NRXN3: variants seen among roughly 807,000 people sequenced by gnomAD.
NRXN3 encodes the protein neurexin III.
In NRXN3, 32 loss-of-function variants were observed where a neutral mutation model predicts 137.6. The ratio of observed to expected loss-of-function variants is 0.23; its 90% CI spans 0.18 to 0.31. The LOEUF is 0.31. Among genes scored for constraint, NRXN3 ranks in the 10% least tolerant of loss-of-function variants. NRXN3 has a pLI of 1.00. For missense variants in NRXN3, 1,574 were observed against 2,062.5 expected (o/e 0.76, Z 4.59); for synonymous variants, 798 against 784.5 (o/e 1.02, Z -0.29).
At chr14:79,076,481 G>A (rs1472533957) in intron 15 of NRXN3, among the ~76,000 whole-genome samples, 1 of 152,116 alleles carries the variant, frequency 6.6e-6, no homozygotes, top group Non-Finnish European at 1.5e-5. Context: ...CTGGTGGCAG[G>A]CCTTAGTCAT....
chr14:78,630,848 G>A (rs1359240524), intron 4 of NRXN3, among the ~76,000 whole-genome samples: 2 of 151,938 alleles, frequency 1.3e-5, no homozygotes, highest in East Asian at 3.9e-4. Flanking sequence ...CTCGTGGTCC[G>A]CCCACCTCGG....
chr14:79,095,301 C>G (rs2050097718), intron 15 of NRXN3, among the ~76,000 whole-genome samples: 1 of 152,148 alleles, frequency 6.6e-6, no homozygotes, highest in South Asian at 2.1e-4. Flanking sequence ...GCACTTGAAT[C>G]TATAATTTCT....
chr14:79,105,849 C>T (rs2052331836), intron 15 of NRXN3, among the ~76,000 whole-genome samples: 1 of 152,106 alleles, frequency 6.6e-6, no homozygotes, highest in African/African-American at 2.4e-5. Context: ...AGGTTCTCAA[C>T]TCCTGATAAA....
chr14:79,280,459 G>C (rs753614911), intron 15 of NRXN3: 2 of 1,613,908 alleles, frequency 1.2e-6, no homozygotes, highest in East Asian at 4.5e-5. Flanking sequence ...CTCAGCACGA[G>C]CACCATTTCC....
intron 20 of NRXN3, among the ~76,000 whole-genome samples, chr14:79,857,744 A>G (rs745438032): frequency 3.4e-4 from 52 of 152,090 alleles, no homozygotes; most frequent in Non-Finnish European, 7.2e-4. Context: ...TAGAATTGCT[A>G]TTTGTCATAA....
intron 20 of NRXN3, among the ~76,000 whole-genome samples, chr14:79,836,409 A>G (rs2099343826): frequency 6.6e-6 from 1 of 152,186 alleles, no homozygotes; most frequent in Admixed American, 6.5e-5. Context: ...AAGAGCAGGA[A>G]ATGTTACACT....
intron 15 of NRXN3, among the ~76,000 whole-genome samples, chr14:79,224,506 G>A (rs985592058): frequency 2.0e-5 from 3 of 152,150 alleles, no homozygotes; most frequent in African/African-American, 7.2e-5. Flanking sequence ...ACTGGCCAAA[G>A]TAATGGTGGG....
intron 10 of NRXN3, among the ~76,000 whole-genome samples, chr14:78,903,164 T>C (rs1451900265): frequency 6.6e-6 from 1 of 150,862 alleles, no homozygotes; most frequent in Non-Finnish European, 1.5e-5. Flanking sequence ...TTTTTTTTTT[T>C]CTGAGACAGA....
intron 3 of NRXN3, among the ~76,000 whole-genome samples, chr14:78,281,917 G>A (rs1287509450): frequency 6.6e-6 from 1 of 152,150 alleles, no homozygotes; most frequent in Non-Finnish European, 1.5e-5. Flanking sequence ...TCCTATTTGT[G>A]TCTGCATTCC....
chr14:78,758,618 C>T (rs767722639), intron 8 of NRXN3, among the ~76,000 whole-genome samples: 3 of 152,240 alleles, frequency 2.0e-5, no homozygotes, highest in Non-Finnish European at 2.9e-5. Flanking sequence ...CTGCTCCCTG[C>T]ATTCCACCTT....
chr14:78,753,557 C>G (rs942591700), intron 8 of NRXN3, among the ~76,000 whole-genome samples: 6 of 152,098 alleles, frequency 3.9e-5, no homozygotes, highest in African/African-American at 1.4e-4. Flanking sequence ...TTTTTTTATG[C>G]TCTCAGTGAA....
intron 15 of NRXN3, among the ~76,000 whole-genome samples, chr14:79,321,222 C>T (rs887846513): frequency 6.6e-6 from 1 of 152,074 alleles, no homozygotes; most frequent in South Asian, 2.1e-4. Flanking sequence ...TTATATATGA[C>T]TAAAGGTCCA....
At chr14:78,496,379 T>G (rs991612404) in intron 4 of NRXN3, among the ~76,000 whole-genome samples, 2 of 152,180 alleles carry the variant, frequency 1.3e-5, no homozygotes, top group Non-Finnish European at 2.9e-5. Flanking sequence ...TGAGTTTGGA[T>G]GTAAAATATT....
chr14:79,278,617 G>A (rs1478785460), intron 15 of NRXN3, among the ~76,000 whole-genome samples: 1 of 152,212 alleles, frequency 6.6e-6, no homozygotes, highest in Non-Finnish European at 1.5e-5. Context: ...CTCCCCTTCT[G>A]AAGTTTTTTG....
At chr14:78,938,538 G>C (rs901898305) in intron 10 of NRXN3, among the ~76,000 whole-genome samples, 3 of 152,094 alleles carry the variant, frequency 2.0e-5, no homozygotes, top group Non-Finnish European at 4.4e-5. Context: ...ATAATCCTAC[G>C]TGGATGTGGA....
At chr14:78,675,437 G>A (rs2097992645) in intron 6 of NRXN3, among the ~76,000 whole-genome samples, 1 of 152,274 alleles carries the variant, frequency 6.6e-6, no homozygotes, top group Non-Finnish European at 1.5e-5. Flanking sequence ...CATGGATCCA[G>A]GAGAGTAACT....
intron 10 of NRXN3, among the ~76,000 whole-genome samples, chr14:78,830,982 C>T (rs531470193): frequency 6.6e-6 from 1 of 152,194 alleles, no homozygotes; most frequent in African/African-American, 2.4e-5. Context: ...AGAAATTACA[C>T]ATTGAAGAAT....
At chr14:79,844,047 A>C (rs1456706111) in intron 20 of NRXN3, among the ~76,000 whole-genome samples, 1 of 151,910 alleles carries the variant, frequency 6.6e-6, no homozygotes, top group Non-Finnish European at 1.5e-5. Context: ...ATGGCCTCGC[A>C]CTCCATCCAA....
intron 15 of NRXN3, among the ~76,000 whole-genome samples, chr14:79,074,959 A>G (rs1282486515): frequency 6.6e-6 from 1 of 152,220 alleles, no homozygotes; most frequent in Non-Finnish European, 1.5e-5. Flanking sequence ...AGCCTCTGCT[A>G]TTTGATCATT....
Sources: gnomAD v4.1 joint callset for allele counts (sites outside exome capture counted in the v4.1 genomes callset) on GRCh38, gnomAD v4.1.1 for gene constraint, MANE v1.5 for transcripts, NCBI Gene and HGNC (gene_info 2026-07-23, HGNC 2026-07-21) for gene names.